RGPD2: variants seen among roughly 807,000 people sequenced by gnomAD.
RGPD2 encodes RANBP2 like and GRIP domain containing 2, also known as RANBP2-like and GRIP domain-containing protein 2.
RGPD2 carries 2 observed loss-of-function variants against 36.0 expected under a neutral mutation model. The ratio of observed to expected loss-of-function variants is 0.06; its 90% CI spans 0.02 to 0.17. The LOEUF (loss-of-function observed/expected upper bound fraction) is 0.17, where lower values mean the gene tolerates loss of function less well. Among genes scored for constraint, RGPD2 ranks in the 10% least tolerant of loss-of-function variants. The pLI is 1.00. For synonymous variants in RGPD2, 19 were observed against 163.8 expected, an observed-to-expected ratio of 0.12 and a Z score of 6.75; for missense variants, 40 against 464.3, an observed-to-expected ratio of 0.09 and a Z score of 8.40.
At chr2:87,799,367 C>CA (rs1183710299) in intron 8 of RGPD2, among the ~76,000 whole-genome samples, 124 of 10,144 alleles carry the variant, frequency 0.012, no homozygotes, top group African/African-American at 0.024. Context: ...GACTCCGTCT[C>CA]AAAAAAAAAA....
the RGPD2 span, among the ~76,000 whole-genome samples, chr2:87,958,153 ACT>A: frequency 6.6e-6 from 1 of 151,852 alleles, no homozygotes; most frequent in Non-Finnish European, 1.5e-5. Flanking sequence ...TCTAATTTAA[ACT>A]CTAAACAGAC....
chr2:87,769,592 G>A (rs2943834), intron 22 of RGPD2, among the ~76,000 whole-genome samples: 15 of 151,622 alleles, frequency 9.9e-5, no homozygotes, highest in African/African-American at 2.9e-4. Context: ...CCACCTGGAC[G>A]TTAGCAACGT....
At chr2:87,864,895 G>A in the RGPD2 span, among the ~76,000 whole-genome samples, 1 of 152,198 alleles carries the variant, frequency 6.6e-6, no homozygotes, top group African/African-American at 2.4e-5. Flanking sequence ...TTTTCTCCCT[G>A]TCTGTACCTT....
chr2:87,909,192 T>C, the RGPD2 span, among the ~76,000 whole-genome samples: 1 of 152,158 alleles, frequency 6.6e-6, no homozygotes, highest in African/African-American at 2.4e-5. Flanking sequence ...CATCAGAGTA[T>C]TGGCTGCCAC....
At chr2:87,988,495 C>G in the RGPD2 span, among the ~76,000 whole-genome samples, 2 of 102,130 alleles carry the variant, frequency 2.0e-5, no homozygotes, top group Non-Finnish European at 4.3e-5. Context: ...GATGTTCTTG[C>G]AAGAGGCATG....
chr2:87,896,867 CTT>C, the RGPD2 span, among the ~76,000 whole-genome samples: 4 of 132,130 alleles, frequency 3.0e-5, no homozygotes, highest in African/African-American at 1.1e-4. Context: ...TAACAAGTCT[CTT>C]TTAGAAACAA....
the RGPD2 span, among the ~76,000 whole-genome samples, chr2:87,877,687 C>T: frequency 6.6e-6 from 1 of 152,316 alleles, no homozygotes; most frequent in African/African-American, 2.4e-5. Context: ...CACCTGTAGT[C>T]CCAGCTACTC....
chr2:87,863,719 T>C, the RGPD2 span, among the ~76,000 whole-genome samples: 1 of 152,016 alleles, frequency 6.6e-6, no homozygotes, highest in Non-Finnish European at 1.5e-5. Flanking sequence ...TGTGTATATA[T>C]ATATATATGT....
the RGPD2 span, among the ~76,000 whole-genome samples, chr2:87,847,382 T>C: frequency 6.6e-6 from 1 of 152,188 alleles, no homozygotes; most frequent in Non-Finnish European, 1.5e-5. Context: ...TTTTTTCTAT[T>C]GTAGGAGAGT....
intron 22 of RGPD2, among the ~76,000 whole-genome samples, chr2:87,769,340 A>T (rs1481191122): frequency 1.3e-5 from 2 of 152,138 alleles, no homozygotes; most frequent in Non-Finnish European, 2.9e-5. Flanking sequence ...TTTTAATTGT[A>T]ATAAGGTCTC....
At chr2:87,825,559 TCGAGGCCGCCGCCCGGCCA>T (rs1686749913) in intron 1 of RGPD2, 80 bp downstream of exon 1, 2 of 886,382 alleles carry the variant, frequency 2.3e-6, no homozygotes, top group Admixed American at 1.3e-4. Flanking sequence ...CCCGGCCAGG[TCGAGGCCGCCGCCCGGCCA>T]GGTCGAGGCC....
chr2:87,922,738 C>G, the RGPD2 span, among the ~76,000 whole-genome samples: 2 of 150,664 alleles, frequency 1.3e-5, no homozygotes, highest in Non-Finnish European at 3.0e-5. Flanking sequence ...AGACTGGTCC[C>G]CATTGTACTC....
chr2:87,957,091 A>G, the RGPD2 span, among the ~76,000 whole-genome samples: 2 of 151,904 alleles, frequency 1.3e-5, no homozygotes, highest in African/African-American at 4.8e-5. Flanking sequence ...AATTTGCAAC[A>G]GAGTGTGGAA....
At chr2:87,886,441 G>A in the RGPD2 span, among the ~76,000 whole-genome samples, 17 of 151,488 alleles carry the variant, frequency 1.1e-4, no homozygotes, top group African/African-American at 4.1e-4. Flanking sequence ...AATGTAATCT[G>A]CACGAGTATG....
At chr2:87,968,647 T>C in the RGPD2 span, 3 of 174,382 alleles carry the variant, frequency 1.7e-5, no homozygotes, top group South Asian at 3.9e-4. Context: ...CCCTGGCCAC[T>C]ATGCCCTCAA....
the RGPD2 span, among the ~76,000 whole-genome samples, chr2:87,987,967 C>G: frequency 6.8e-6 from 1 of 146,276 alleles, no homozygotes; most frequent in Non-Finnish European, 1.5e-5. Context: ...CTTCTAGGTA[C>G]CTGGCCTTGT....
At chr2:87,860,948 CTT>C in the RGPD2 span, among the ~76,000 whole-genome samples, 1 of 151,718 alleles carries the variant, frequency 6.6e-6, no homozygotes, top group South Asian at 2.1e-4. Context: ...ATCTTGGAAA[CTT>C]GTCATTATTA....
the RGPD2 span, among the ~76,000 whole-genome samples, chr2:87,913,514 G>A: frequency 6.6e-6 from 1 of 150,692 alleles, no homozygotes; most frequent in African/African-American, 2.5e-5. Context: ...TGCATGTTGT[G>A]CACATGTACC....
At chr2:87,841,261 T>C in the RGPD2 span, among the ~76,000 whole-genome samples, 1 of 151,772 alleles carries the variant, frequency 6.6e-6, no homozygotes, top group African/African-American at 2.4e-5. Flanking sequence ...GTGACATCCC[T>C]CCTCCCGCTT....
Sources: allele counts gnomAD v4.1 joint callset (sites outside exome capture counted in the v4.1 genomes callset), GRCh38; gene constraint gnomAD v4.1.1; transcripts MANE v1.5; gene names NCBI Gene and HGNC (gene_info 2026-07-23, HGNC 2026-07-21).